ZMYM5: variants seen among roughly 807,000 people sequenced by gnomAD.
The protein encoded by ZMYM5 is zinc finger MYM-type protein 5.
Under a neutral mutation model 61.8 loss-of-function variants are expected in ZMYM5, and 41 were observed. The ratio of observed to expected loss-of-function variants is 0.66; its 90% CI spans 0.52 to 0.86. The LOEUF (loss-of-function observed/expected upper bound fraction) is 0.86, where lower values mean the gene tolerates loss of function less well. ZMYM5 is among the 40% of genes least tolerant of loss of function. ZMYM5 has a pLI of 0.00. For synonymous variants in ZMYM5, 257 were observed against 276.4 expected, an observed-to-expected ratio of 0.93 and a Z score of 0.70; for missense variants, 706 against 786.7, an observed-to-expected ratio of 0.90 and a Z score of 1.23.
intron 5 of ZMYM5, among the ~76,000 whole-genome samples, chr13:19,838,366 A>T (rs1319376807): frequency 6.6e-6 from 1 of 152,242 alleles, no homozygotes; most frequent in Non-Finnish European, 1.5e-5. Flanking sequence ...CAACAGAGTG[A>T]GACTCCGTCT....
Position 19,835,608 on chromosome 13 carries a change from C to T in ZMYM5, c.1120G>A (p.Gly374Ser). ...TGTTCACAGCAGTTCATTATTAGAC[C>T]ATTGGCCAATCTGTACTTATTAAAG... is the stretch of plus-strand genomic sequence containing the variant. ...HCFNKYRLAN[G>S]LIMNCCEHCG... is the part of the protein sequence containing the mutation. Residue 374 changes from glycine (G) to serine (S), a missense_variant, in exon 7 of 8, where the codon GGT becomes AGT. Coordinates refer to ENST00000337963, the MANE Select transcript of ZMYM5 (RefSeq NM_001142684.2). 2.2e-6 allele frequency: 3 copies of T among 1,367,618 alleles called. No homozygotes were observed. The highest frequency in any genetic ancestry group is 2.9e-6 in the Non-Finnish European group (3 of 1,021,842). 84.7% of individuals were successfully genotyped at this position (1,367,618 alleles called of 1,614,324 possible).
chr13:19,859,140 A>G (rs1218965041), intron 2 of ZMYM5, among the ~76,000 whole-genome samples: 1 of 152,050 alleles, frequency 6.6e-6, no homozygotes, highest in East Asian at 1.9e-4. Context: ...CTCAAAAAAA[A>G]AAATGTCCCC....
chr13:19,848,705 T>A (rs893044067), intron 4 of ZMYM5, among the ~76,000 whole-genome samples: 4 of 152,178 alleles, frequency 2.6e-5, no homozygotes, highest in African/African-American at 9.6e-5. Context: ...GGCTACTTTT[T>A]AATTTTTTTA....
intron 4 of ZMYM5, among the ~76,000 whole-genome samples, chr13:19,845,284 G>A (rs145924345): frequency 7.2e-5 from 11 of 152,294 alleles, no homozygotes; most frequent in Admixed American, 2.6e-4. Flanking sequence ...AAAAGGGAAT[G>A]TGTGAAGTCA....
At chr13:19,834,159 G>A (rs1952606028) in intron 7 of ZMYM5, among the ~76,000 whole-genome samples, 1 of 152,054 alleles carries the variant, frequency 6.6e-6, no homozygotes, top group South Asian at 2.1e-4. Context: ...TTTGTATTTA[G>A]TAGAGACGGG....
rs1481057522 is a variant in ZMYM5 at position 19,851,441 on chromosome 13, G to A, written c.500C>T (p.Thr167Ile). 3.7e-6 allele frequency: 6 copies of A among 1,614,014 alleles called. No homozygotes were observed. Among genetic ancestry groups the A allele is most frequent in the East Asian group, 2.2e-5 (1 of 44,868 alleles). ...TSSLSRSKTK[T>I]GVRPFNPGRM... ...ACCAGGGTTAAAAGGTCTTACTCCA[G>A]TCTTGGTCTGTGGAGTTAAAGATGG... Residue 167 changes from threonine to isoleucine, a missense_variant, in exon 4 of 8, where the codon ACT becomes ATT. By Grantham distance (89) the Thr-to-Ile change is moderately conservative. Around this residue, in one of 2 missense-constraint regions of ZMYM5, gnomAD observed 480 missense variants for 461.7 expected, o/e 1.04. Coordinates refer to ENST00000337963, the MANE Select transcript of ZMYM5 (RefSeq NM_001142684.2).
Position 19,825,234 on chromosome 13 carries a change from A to C in ZMYM5, c.1253T>G (p.Met418Arg). 8.0e-7 allele frequency: 1 copy of C among 1,254,606 alleles called. No individual in the cohort carries two copies. The allele number at this position is 1,254,606 out of a possible 1,614,324, so 77.7% of individuals were successfully genotyped here. Residue 418 changes from methionine (M) to arginine (R), a missense_variant and splice_region_variant, in exon 8 of 8, where the codon ATG (methionine) becomes AGG (arginine). By Grantham distance (91) the Met-to-Arg change is moderately conservative. Coordinates refer to ENST00000337963, the MANE Select transcript of ZMYM5 (RefSeq NM_001142684.2). ...CQSCINEYKQMMETKSKKLTA... is the reference protein window; with the variant it reads ...CQSCINEYKQRMETKSKKLTA... ...TAATTTTTTTGATTTTGTTTCCATC[A>C]TCTGAGGACAAAGAGGATTATAATT...
chr13:19,856,185 T>C (rs1953502721), intron 2 of ZMYM5, among the ~76,000 whole-genome samples: 1 of 152,190 alleles, frequency 6.6e-6, no homozygotes, highest in Admixed American at 6.5e-5. Context: ...AAAAAGATGC[T>C]GTATAGCCAA....
chr13:19,858,847 C>T (rs909138094), intron 2 of ZMYM5, among the ~76,000 whole-genome samples: 4 of 152,144 alleles, frequency 2.6e-5, no homozygotes, highest in Admixed American at 2.6e-4. Flanking sequence ...CCACATATCC[C>T]TGGAACAGAA....
At chr13:19,837,024 G>GTTTTTT (rs11449895) in intron 6 of ZMYM5, among the ~76,000 whole-genome samples, 9 of 143,892 alleles carry the variant, frequency 6.3e-5, no homozygotes, top group African/African-American at 2.3e-4. Context: ...GTTGTTTTTT[G>GTTTTTT]TTTTTTTTTT....
chr13:19,836,423 C>T (rs1032837490), intron 6 of ZMYM5, among the ~76,000 whole-genome samples: 7 of 151,990 alleles, frequency 4.6e-5, no homozygotes, highest in Admixed American at 2.0e-4. Flanking sequence ...TGACATGACC[C>T]GCTTAAAGGA....
intron 4 of ZMYM5, among the ~76,000 whole-genome samples, chr13:19,844,048 G>T (rs1952989852): frequency 6.7e-6 from 1 of 150,102 alleles, no homozygotes; most frequent in African/African-American, 2.5e-5. Context: ...TGAGGCAGGA[G>T]AATGGCATGA....
intron 2 of ZMYM5, 37 bp from the exon 3 acceptor site, chr13:19,852,227 T>C (rs766879689): frequency 1.3e-6 from 2 of 1,484,092 alleles, no homozygotes; most frequent in South Asian, 1.5e-5. Context: ...AGTTCTAGTA[T>C]GTTATGGTTT....
intron 7 of ZMYM5, among the ~76,000 whole-genome samples, chr13:19,835,153 C>T (rs558202380): frequency 2.0e-5 from 3 of 152,144 alleles, no homozygotes; most frequent in Non-Finnish European, 2.9e-5. Flanking sequence ...ATCATGCCTG[C>T]GGCTAATTCT....
intron 7 of ZMYM5, among the ~76,000 whole-genome samples, chr13:19,828,107 G>C (rs145458501): frequency 0.012 from 1,820 of 151,432 alleles, 38 homozygotes; most frequent in African/African-American, 0.04. Context: ...CATATGCAAT[G>C]CAGTGAAAGA....
At chr13:19,857,295 C>A (rs1421272560) in intron 2 of ZMYM5, among the ~76,000 whole-genome samples, 1 of 152,160 alleles carries the variant, frequency 6.6e-6, no homozygotes, top group East Asian at 1.9e-4. Context: ...TACATGTAAA[C>A]TATCTCTAGA....
chr13:19,825,698 G>GAA (rs1593836405), intron 7 of ZMYM5, among the ~76,000 whole-genome samples: 1 of 148,916 alleles, frequency 6.7e-6, no homozygotes, highest in Non-Finnish European at 1.5e-5. Context: ...AAAAGAAGAA[G>GAA]AAAAAAAAAG....
At chr13:19,859,906 C>T (rs1953665757) in intron 2 of ZMYM5, among the ~76,000 whole-genome samples, 1 of 150,112 alleles carries the variant, frequency 6.7e-6, no homozygotes, top group Admixed American at 6.6e-5. Context: ...GAGTTCGAGA[C>T]CAGCCTGGCC....
chr13:19,856,933 C>T (rs1261334849), intron 2 of ZMYM5, among the ~76,000 whole-genome samples: 5 of 152,168 alleles, frequency 3.3e-5, no homozygotes, highest in South Asian at 2.1e-4. Flanking sequence ...AGTGAAACCC[C>T]GCCTCTACTA....
Sources: allele counts gnomAD v4.1 joint callset (sites outside exome capture counted in the v4.1 genomes callset), GRCh38; gene constraint gnomAD v4.1.1; regional missense constraint gnomAD v4.1.1; transcripts MANE v1.5; gene names NCBI Gene and HGNC (gene_info 2026-07-23, HGNC 2026-07-21).